THADA: variants seen among roughly 807,000 people sequenced by gnomAD.
The protein encoded by THADA is tRNA (32-2'-O)-methyltransferase regulator THADA.
Under a neutral mutation model 219.8 loss-of-function variants are expected in THADA, and 213 were observed. That is an observed-to-expected ratio of 0.97 (90% CI 0.87 to 1.09). The LOEUF is 1.09. Among genes scored for constraint, THADA ranks in the 50% least tolerant of loss-of-function variants. THADA has a pLI of 0.00. For missense variants in THADA, 2,956 were observed against 2,311.3 expected, an observed-to-expected ratio of 1.28 and a Z score of -5.72; for synonymous variants, 1,018 against 828.9, an observed-to-expected ratio of 1.23 and a Z score of -3.92.
chr2:43,589,616 A>T (rs1304580653), intron 4 of THADA, among the ~76,000 whole-genome samples: 12 of 152,220 alleles, frequency 7.9e-5, no homozygotes, highest in Admixed American at 7.9e-4. Flanking sequence ...CTCACTCATA[A>T]GTGGAAGCTT....
At chr2:43,455,014 G>A (rs1474737581) in intron 26 of THADA, among the ~76,000 whole-genome samples, 1 of 152,000 alleles carries the variant, frequency 6.6e-6, no homozygotes, top group East Asian at 1.9e-4. Flanking sequence ...TAGGACTCAT[G>A]TTCTTTAGTT....
At chr2:43,454,196 A>G (rs1412097543) in intron 26 of THADA, among the ~76,000 whole-genome samples, 1 of 152,206 alleles carries the variant, frequency 6.6e-6, no homozygotes, top group Non-Finnish European at 1.5e-5. Flanking sequence ...GTTATATTCT[A>G]TTAATTGCAA....
At chr2:43,353,458 C>T (rs1668517214) in intron 29 of THADA, among the ~76,000 whole-genome samples, 1 of 152,066 alleles carries the variant, frequency 6.6e-6, no homozygotes, top group Non-Finnish European at 1.5e-5. Flanking sequence ...TTTTATATAC[C>T]TGTTGGACAT....
At chr2:43,290,376 G>A (rs890179385) in intron 34 of THADA, among the ~76,000 whole-genome samples, 1 of 151,452 alleles carries the variant, frequency 6.6e-6, no homozygotes, top group Non-Finnish European at 1.5e-5. Context: ...TTAGCTCCTA[G>A]TGACCTCCTA....
chr2:43,471,064 C>T (rs1684849838), intron 26 of THADA, among the ~76,000 whole-genome samples: 1 of 152,158 alleles, frequency 6.6e-6, no homozygotes, highest in Admixed American at 6.5e-5. Context: ...TGTTTTTCTT[C>T]AATTCACACT....
chr2:43,590,198 T>G (rs1701408208), intron 4 of THADA, among the ~76,000 whole-genome samples: 1 of 152,136 alleles, frequency 6.6e-6, no homozygotes, highest in Admixed American at 6.5e-5. Context: ...AAGCCTATAT[T>G]CCTGTGTTAT....
intron 36 of THADA, among the ~76,000 whole-genome samples, chr2:43,251,505 C>T (rs955055007): frequency 1.3e-5 from 2 of 152,242 alleles, no homozygotes; most frequent in Non-Finnish European, 2.9e-5. Flanking sequence ...CAGAAGCCCC[C>T]AATCCCAGCT....
chr2:43,428,433 C>G (rs1225917955), intron 27 of THADA, among the ~76,000 whole-genome samples: 1 of 152,108 alleles, frequency 6.6e-6, no homozygotes, highest in Non-Finnish European at 1.5e-5. Flanking sequence ...TACAGTAAAA[C>G]CTCATCTCTA....
Position 43,578,508 on chromosome 2 carries a change from CT to C in THADA, c.816+4del. The C allele has an allele frequency of 1.2e-6, 2 of 1,602,146 alleles. No homozygotes were observed. The highest frequency in any genetic ancestry group is 1.7e-4 in the Middle Eastern group (1 of 6,020). ...AGTACAATTCTAAAAAGGAGATGCA[CT>C]TACCAAATGAGGAATCTTTTCAGAC... On this transcript the variant is annotated splice_donor_region_variant and intron_variant, in intron 9 of 37. Transcript: ENST00000405975.
intron 36 of THADA, among the ~76,000 whole-genome samples, chr2:43,236,680 T>G (rs988810117): frequency 2.0e-5 from 3 of 152,140 alleles, no homozygotes; most frequent in Non-Finnish European, 2.9e-5. Context: ...AAGAATCTGC[T>G]GTGTATCCAA....
intron 26 of THADA, among the ~76,000 whole-genome samples, chr2:43,472,999 T>C (rs1422163569): frequency 1.3e-5 from 2 of 151,828 alleles, no homozygotes; most frequent in East Asian, 3.9e-4. Context: ...TGAGTCAGAG[T>C]GAGTGGTGGG....
chr2:43,334,000 T>C (rs1666094871), intron 30 of THADA, among the ~76,000 whole-genome samples: 1 of 152,224 alleles, frequency 6.6e-6, no homozygotes, highest in Non-Finnish European at 1.5e-5. Context: ...TTTCAGCTGT[T>C]GTAAAGCAAA....
rs1356064931 is a variant in THADA, at chr2:43,398,064, G to A, written c.4134C>T (p.His1378=). 6.2e-7 allele frequency: 1 copy of A among 1,613,994 alleles called. No homozygotes were observed. Among genetic ancestry groups the A allele is most frequent in the Non-Finnish European group, 8.5e-7 (1 of 1,179,852 alleles). ...RALVPFVMID[H]IPNTIRTLLS... ...ACAGAGTTCGAATGGTATTAGGAAT[G>A]TGATCTATCATAACAAATGGGACCA... Residue 1378 remains histidine, a synonymous_variant, in exon 29 of 38, where the codon CAC becomes CAT. Coordinates refer to ENST00000405975, the MANE Select transcript of THADA (RefSeq NM_022065.5).
chr2:43,377,460 A>T (rs1330821638), intron 29 of THADA, among the ~76,000 whole-genome samples: 1 of 152,140 alleles, frequency 6.6e-6, no homozygotes, highest in Non-Finnish European at 1.5e-5. Context: ...CAAATGCCAG[A>T]TATAAAGAAG....
At chr2:43,263,383 C>A (rs1007313225) in intron 36 of THADA, among the ~76,000 whole-genome samples, 14 of 149,978 alleles carry the variant, frequency 9.3e-5, no homozygotes, top group Non-Finnish European at 1.8e-4. Context: ...GAAATATATG[C>A]TGGGTGGGTG....
At chr2:43,495,082 C>T (rs956256626) in intron 25 of THADA, among the ~76,000 whole-genome samples, 4 of 152,060 alleles carry the variant, frequency 2.6e-5, no homozygotes, top group Admixed American at 6.6e-5. Context: ...CAAATCAAAC[C>T]GTATTTCGTA....
chr2:43,382,007 GAACA>G (rs1161180392), intron 29 of THADA, among the ~76,000 whole-genome samples: 1 of 152,024 alleles, frequency 6.6e-6, no homozygotes, highest in Non-Finnish European at 1.5e-5. Context: ...CATTAAAAAA[GAACA>G]AACAGATAAG....
chr2:43,431,160 C>G (rs1679217554), intron 26 of THADA, among the ~76,000 whole-genome samples: 3 of 152,170 alleles, frequency 2.0e-5, no homozygotes, highest in Admixed American at 2.0e-4. Context: ...CTAACCTACC[C>G]ATTTTTATCA....
intron 29 of THADA, among the ~76,000 whole-genome samples, chr2:43,397,050 TATC>T (rs942532926): frequency 1.3e-5 from 2 of 152,206 alleles, no homozygotes; most frequent in African/African-American, 4.8e-5. Flanking sequence ...ATGCTACTAT[TATC>T]CTTATTTCAA....
Sources: allele counts gnomAD v4.1 joint callset (sites outside exome capture counted in the v4.1 genomes callset), GRCh38; gene constraint gnomAD v4.1.1; transcripts MANE v1.5; gene names NCBI Gene and HGNC (gene_info 2026-07-23, HGNC 2026-07-21).